The following TAFA2 variants were observed in gnomAD, a reference collection of about 807,000 sequenced individuals.
TAFA2 encodes the protein chemokine-like protein TAFA-2.
Under a neutral mutation model 18.8 loss-of-function variants are expected in TAFA2, and 7 were observed. That is an observed-to-expected ratio of 0.37 (90% CI 0.21 to 0.70). The LOEUF is 0.70. Ranked by LOEUF, TAFA2 falls within the 30% of genes least tolerant of loss-of-function variation. The pLI, the probability that TAFA2 is intolerant of heterozygous loss-of-function variation, is 0.53. For missense variants in TAFA2, 122 were observed against 158.1 expected (o/e 0.77, Z 1.23); for synonymous variants, 60 against 54.2 (o/e 1.11, Z -0.47).
intron 1 of TAFA2, among the ~76,000 whole-genome samples, chr12:62,131,636 T>A (rs1413816597): frequency 6.6e-6 from 1 of 151,916 alleles, no homozygotes. Flanking sequence ...TTAAAAAAAA[T>A]TAATTCAAGG....
chr12:61,714,804 A>G (rs568633027), intron 4 of TAFA2, among the ~76,000 whole-genome samples: 49 of 152,292 alleles, frequency 3.2e-4, no homozygotes, highest in African/African-American at 1.1e-3. Flanking sequence ...TACAATCATT[A>G]TATTGAAGCC....
chr12:61,957,633 A>C (rs976065104), intron 1 of TAFA2, among the ~76,000 whole-genome samples: 1 of 152,126 alleles, frequency 6.6e-6, no homozygotes, highest in Non-Finnish European at 1.5e-5. Flanking sequence ...GGACAAGGTC[A>C]AGGCCCATTA....
chr12:61,821,348 A>G (rs1366941973), intron 2 of TAFA2, among the ~76,000 whole-genome samples: 1 of 152,094 alleles, frequency 6.6e-6, no homozygotes, highest in Non-Finnish European at 1.5e-5. Flanking sequence ...GTTCCTTTTC[A>G]TAGCTAATCT....
intron 1 of TAFA2, among the ~76,000 whole-genome samples, chr12:61,872,233 G>T (rs1874642306): frequency 6.6e-6 from 1 of 152,098 alleles, no homozygotes; most frequent in South Asian, 2.1e-4. Context: ...AAAAGTGGAG[G>T]CTTAGAATCC....
At chr12:61,897,820 A>G (rs1026210719) in intron 1 of TAFA2, among the ~76,000 whole-genome samples, 6 of 152,202 alleles carry the variant, frequency 3.9e-5, no homozygotes, top group African/African-American at 1.4e-4. Context: ...TGCCTTCCCA[A>G]CAGTTTCCCA....
chr12:62,170,328 T>C (rs1425345429), intron 1 of TAFA2, among the ~76,000 whole-genome samples: 1 of 152,226 alleles, frequency 6.6e-6, no homozygotes, highest in Non-Finnish European at 1.5e-5. Context: ...GGTGAGGACT[T>C]GAGGCAATCT....
intron 2 of TAFA2, among the ~76,000 whole-genome samples, chr12:61,789,471 C>T (rs1412180513): frequency 2.0e-5 from 3 of 151,734 alleles, no homozygotes; most frequent in Non-Finnish European, 4.4e-5. Context: ...TGTTCTCTCT[C>T]ATAAGTGGGA....
intron 4 of TAFA2, among the ~76,000 whole-genome samples, chr12:61,740,554 GA>G (rs1868398912): frequency 6.6e-6 from 1 of 151,852 alleles, no homozygotes; most frequent in South Asian, 2.1e-4. Flanking sequence ...GGAGGGGAGT[GA>G]AGGATGAAAA....
intron 2 of TAFA2, among the ~76,000 whole-genome samples, chr12:61,755,403 TG>T (rs1869218619): frequency 6.6e-6 from 1 of 152,106 alleles, no homozygotes; most frequent in Non-Finnish European, 1.5e-5. Flanking sequence ...GCAATGGGAC[TG>T]AGGCCAGCCC....
chr12:61,921,764 G>T (rs181842344), intron 1 of TAFA2, among the ~76,000 whole-genome samples: 3 of 152,250 alleles, frequency 2.0e-5, no homozygotes, highest in Admixed American at 2.0e-4. Flanking sequence ...TAACTACACA[G>T]TATGACTATG....
At chr12:62,042,236 A>T (rs573234407) in intron 1 of TAFA2, among the ~76,000 whole-genome samples, 1 of 151,992 alleles carries the variant, frequency 6.6e-6, no homozygotes, top group Non-Finnish European at 1.5e-5. Flanking sequence ...AACTCTGCTC[A>T]GTGTCTAGGT....
intron 1 of TAFA2, among the ~76,000 whole-genome samples, chr12:61,904,279 G>A (rs766809366): frequency 1.3e-4 from 19 of 151,950 alleles, no homozygotes; most frequent in Non-Finnish European, 2.2e-4. Context: ...TGGACACTTG[G>A]ATCAAAAAAC....
At chr12:62,073,545 T>C (rs1245717604) in intron 1 of TAFA2, among the ~76,000 whole-genome samples, 2 of 150,822 alleles carry the variant, frequency 1.3e-5, no homozygotes, top group East Asian at 1.9e-4. Flanking sequence ...GTAGGTGTTA[T>C]AGGTAGGTGT....
At chr12:61,833,661 C>A (rs1001882041) in intron 2 of TAFA2, among the ~76,000 whole-genome samples, 1 of 151,970 alleles carries the variant, frequency 6.6e-6, no homozygotes, top group Admixed American at 6.6e-5. Flanking sequence ...GGAACATGAT[C>A]GTTTTTCTGT....
chr12:62,251,748 C>G (rs1049134171), intron 1 of TAFA2, among the ~76,000 whole-genome samples: 1 of 152,182 alleles, frequency 6.6e-6, no homozygotes, highest in Non-Finnish European at 1.5e-5. Flanking sequence ...CTTTAAAACC[C>G]TACATCAATT....
chr12:61,738,712 C>A (rs924302075), intron 4 of TAFA2, among the ~76,000 whole-genome samples: 29 of 152,054 alleles, frequency 1.9e-4, no homozygotes, highest in Admixed American at 2.0e-4. Flanking sequence ...GGAGACTGTT[C>A]TCAAGCACTG....
chr12:62,059,280 G>A (rs2136785535), intron 1 of TAFA2, among the ~76,000 whole-genome samples: 1 of 151,738 alleles, frequency 6.6e-6, no homozygotes, highest in South Asian at 2.1e-4. Context: ...TTGCACCACT[G>A]CATTCCATCC....
At chr12:61,954,876 G>C (rs776395100) in intron 1 of TAFA2, among the ~76,000 whole-genome samples, 1 of 152,226 alleles carries the variant, frequency 6.6e-6, no homozygotes, top group Admixed American at 6.5e-5. Flanking sequence ...CTCATAGGAA[G>C]TCCTATTTCA....
chr12:62,085,372 A>G (rs553119810), intron 1 of TAFA2, among the ~76,000 whole-genome samples: 1 of 152,188 alleles, frequency 6.6e-6, no homozygotes, highest in Non-Finnish European at 1.5e-5. Context: ...TCTAATTAAC[A>G]ATGCTTCTAG....
Sources: gnomAD v4.1 joint callset for allele counts (sites outside exome capture counted in the v4.1 genomes callset) on GRCh38, gnomAD v4.1.1 for gene constraint, MANE v1.5 for transcripts, NCBI Gene and HGNC (gene_info 2026-07-23, HGNC 2026-07-21) for gene names.